The following SLC14A2 variants were observed in gnomAD, a reference collection of about 807,000 sequenced individuals.
SLC14A2 encodes the protein solute carrier family 14 member 2.
SLC14A2 carries 91 observed loss-of-function variants against 104.6 expected under a neutral mutation model. The ratio of observed to expected loss-of-function variants is 0.87; its 90% CI spans 0.73 to 1.04. The LOEUF (loss-of-function observed/expected upper bound fraction) is 1.04, where lower values mean the gene tolerates loss of function less well. Among genes scored for constraint, SLC14A2 ranks in the 50% least tolerant of loss-of-function variants. The pLI, the probability that SLC14A2 is intolerant of heterozygous loss-of-function variation, is 0.00. For synonymous variants in SLC14A2, 476 were observed against 466.4 expected (o/e 1.02, Z -0.27); for missense variants, 1,189 against 1,156.0 (o/e 1.03, Z -0.41).
At chr18:45,465,539 C>T (rs1169237690) in intron 1 of SLC14A2, among the ~76,000 whole-genome samples, 3 of 152,126 alleles carry the variant, frequency 2.0e-5, no homozygotes, top group Non-Finnish European at 4.4e-5. Flanking sequence ...TCTTGTCATC[C>T]CAGACCTGGG....
intron 2 of SLC14A2, among the ~76,000 whole-genome samples, chr18:45,582,681 C>A (rs1568285305): frequency 6.6e-6 from 1 of 152,152 alleles, no homozygotes; most frequent in Non-Finnish European, 1.5e-5. Flanking sequence ...AGCTTTCTGA[C>A]CATGTGCTCT....
At chr18:45,338,682 CAAAAAAAA>C (rs59474827) in intron 1 of SLC14A2, among the ~76,000 whole-genome samples, 13 of 51,856 alleles carry the variant, frequency 2.5e-4, no homozygotes, top group Admixed American at 9.4e-4. Flanking sequence ...CACTGGCTCA[CAAAAAAAA>C]AAAAAAAAAA....
chr18:45,527,966 A>G (rs2043620918), intron 2 of SLC14A2: 1 of 152,172 alleles, frequency 6.6e-6, no homozygotes, highest in African/African-American at 2.4e-5. Flanking sequence ...TCAAGGGCAG[A>G]AAACTCTGTG....
At chr18:45,262,575 A>G (rs2084550634) in intron 1 of SLC14A2, among the ~76,000 whole-genome samples, 1 of 152,166 alleles carries the variant, frequency 6.6e-6, no homozygotes. Context: ...GGATTGACCA[A>G]CTTTTTCAAG....
the SLC14A2 span, among the ~76,000 whole-genome samples, chr18:45,192,283 A>G: frequency 6.6e-6 from 1 of 152,208 alleles, no homozygotes; most frequent in South Asian, 2.1e-4. Context: ...CATATTACAA[A>G]CCACCTATAC....
intron 2 of SLC14A2, among the ~76,000 whole-genome samples, chr18:45,499,953 G>A (rs1021897939): frequency 2.6e-5 from 4 of 152,230 alleles, no homozygotes; most frequent in Admixed American, 6.5e-5. Flanking sequence ...GAGCCAAACA[G>A]AGTGAGCCTG....
intron 10 of SLC14A2, among the ~76,000 whole-genome samples, chr18:45,652,696 G>C (rs75645319): frequency 0.025 from 3,750 of 152,336 alleles, 57 homozygotes; most frequent in Non-Finnish European, 0.041. Flanking sequence ...CAAATAAAGA[G>C]TGTAGGCACA....
At chr18:45,303,348 A>G (rs2084986441) in intron 1 of SLC14A2, among the ~76,000 whole-genome samples, 1 of 152,250 alleles carries the variant, frequency 6.6e-6, no homozygotes, top group South Asian at 2.1e-4. Context: ...TTGCAGCCAC[A>G]TACTGCTAAG....
chr18:45,585,278 T>TATCA (rs1434891777), intron 2 of SLC14A2, among the ~76,000 whole-genome samples: 6 of 152,216 alleles, frequency 3.9e-5, no homozygotes, highest in Non-Finnish European at 7.3e-5. Context: ...CTCCGTCCCC[T>TATCA]ATCATATTTC....
chr18:45,463,612 T>C (rs1242798167), intron 1 of SLC14A2, among the ~76,000 whole-genome samples: 1 of 152,216 alleles, frequency 6.6e-6, no homozygotes, highest in Non-Finnish European at 1.5e-5. Flanking sequence ...CCTTCAGTCA[T>C]CTTTTTGTGT....
chr18:45,323,147 G>C (rs1158029250), intron 1 of SLC14A2, among the ~76,000 whole-genome samples: 1 of 152,180 alleles, frequency 6.6e-6, no homozygotes, highest in East Asian at 1.9e-4. Context: ...TGGGAACCAA[G>C]CTAGGCTCTT....
In SLC14A2 at chr18:45,682,860, C is replaced by A. The variant is rs949124188; in HGVS notation, c.*341C>A. 1 of 250,742 alleles carries A rather than the reference C, an allele frequency of 4.0e-6. No individual in the cohort carries two copies. Among genetic ancestry groups the A allele is most frequent in the Admixed American group, 4.7e-5 (1 of 21,172 alleles). The allele number at this position is 250,742 out of a possible 1,614,324, so 15.5% of individuals were successfully genotyped here. ...CTGTAATCCCAGCACTTTGGGAGGCCGAGGCGGGTGGATCACGAGGTCAGG... is the reference window on the plus strand; with the variant it reads ...CTGTAATCCCAGCACTTTGGGAGGCAGAGGCGGGTGGATCACGAGGTCAGG... On this transcript the variant is annotated 3_prime_UTR_variant, in exon 20 of 20. Coordinates refer to ENST00000255226, the MANE Select transcript of SLC14A2 (RefSeq NM_007163.4).
intron 1 of SLC14A2, among the ~76,000 whole-genome samples, chr18:45,335,951 C>T (rs181556815): frequency 1.6e-4 from 24 of 152,182 alleles, no homozygotes; most frequent in East Asian, 5.8e-4. Flanking sequence ...CTTAATGGGG[C>T]GATAACGAGG....
intron 1 of SLC14A2, among the ~76,000 whole-genome samples, chr18:45,261,377 T>A (rs933263957): frequency 3.3e-5 from 5 of 151,784 alleles, no homozygotes; most frequent in African/African-American, 7.3e-5. Flanking sequence ...TATTCTATGG[T>A]GTATATGTGC....
At chr18:45,308,541 G>A (rs1599663039) in intron 1 of SLC14A2, among the ~76,000 whole-genome samples, 1 of 152,234 alleles carries the variant, frequency 6.6e-6, no homozygotes, top group Middle Eastern at 3.4e-3. Context: ...ATCTCTGCAT[G>A]AGGTTACCTC....
chr18:45,589,098 T>A (rs2044611344), intron 2 of SLC14A2, among the ~76,000 whole-genome samples: 1 of 152,228 alleles, frequency 6.6e-6, no homozygotes, highest in Non-Finnish European at 1.5e-5. Flanking sequence ...CCACTCATTA[T>A]GGCACATATT....
At chr18:45,643,375 G>A (rs923626917) in intron 9 of SLC14A2, among the ~76,000 whole-genome samples, 194 bp downstream of exon 9, 3 of 152,142 alleles carry the variant, frequency 2.0e-5, no homozygotes, top group African/African-American at 7.2e-5. Context: ...TCTAGGAGAG[G>A]GAGGGGTGTG....
At chr18:45,443,133 T>C (rs560738947) in intron 1 of SLC14A2, among the ~76,000 whole-genome samples, 42 of 152,312 alleles carry the variant, frequency 2.8e-4, no homozygotes, top group African/African-American at 9.6e-4. Context: ...TAGTTGGCAG[T>C]GTAGGTTCAC....
At chr18:45,677,491 TA>T (rs1218200766) in intron 18 of SLC14A2, among the ~76,000 whole-genome samples, 1 of 152,200 alleles carries the variant, frequency 6.6e-6, no homozygotes, top group Non-Finnish European at 1.5e-5. Flanking sequence ...GTTAGCCATG[TA>T]ATCCTGGGCA....
Sources: gnomAD v4.1 joint callset for allele counts (sites outside exome capture counted in the v4.1 genomes callset) on GRCh38, gnomAD v4.1.1 for gene constraint, MANE v1.5 for transcripts, NCBI Gene and HGNC (gene_info 2026-07-23, HGNC 2026-07-21) for gene names.